The following KCNQ1OT1 variants were observed in gnomAD, a reference collection of about 807,000 sequenced individuals.
The protein encoded by KCNQ1OT1 is KCNQ1 opposite strand/antisense transcript 1, also known as KCNQ1 antisense RNA 2 (non-protein coding).
exon 1 of KCNQ1OT1, chr11:2,680,858 A>G (rs1225515408): frequency 2.5e-6 from 1 of 398,424 alleles, no homozygotes; most frequent in Non-Finnish European, 4.4e-6. Flanking sequence ...ACTCAGCACA[A>G]TTCCCTGAAG....
At chr11:2,660,519 G>A in exon 1 of KCNQ1OT1, 1 of 398,616 alleles carries the variant, frequency 2.5e-6, no homozygotes, top group Non-Finnish European at 4.4e-6. Context: ...GTTAATGTCT[G>A]TAATGTATAG....
chr11:2,643,581 G>A, exon 1 of KCNQ1OT1: 1 of 398,392 alleles, frequency 2.5e-6, no homozygotes, highest in Non-Finnish European at 4.4e-6. Context: ...GCATTTAGAT[G>A]GGTCATGTTT....
At position 2,653,724 on chromosome 11, in the gene KCNQ1OT1, G is replaced by A; in HGVS notation, n.46271C>T. ...CGAGGTCATCTCTTCCAGGATTCCT[G>A]CCAGAATCTAAGGCCAGGTTCTTAT... On this transcript the variant is annotated non_coding_transcript_exon_variant, in exon 1 of 1. Transcript: ENST00000597346. This position sits in a 1 kb window ranked among gnomAD's most constrained non-coding sequence, Gnocchi z 5.3. 2.5e-6 allele frequency: 1 copy of A among 398,654 alleles called. No individual in the cohort carries two copies. Among genetic ancestry groups the A allele is most frequent in the Non-Finnish European group, 4.4e-6 (1 of 226,072 alleles). The allele number at this position is 398,654 out of a possible 1,614,324, so 24.7% of individuals were successfully genotyped here. A position where few individuals can be genotyped will look rare whatever the true frequency, so the allele number is the denominator to read the frequency against.
Position 2,626,827 on chromosome 11 carries a change from C to T in KCNQ1OT1, n.73168G>A, listed in dbSNP as rs1849269783. 2 of 398,468 alleles carry T rather than the reference C, an allele frequency of 5.0e-6. No individual in the cohort carries two copies. The highest frequency in any genetic ancestry group is 1.3e-4 in the South Asian group (1 of 7,852). The allele number at this position is 398,468 out of a possible 1,614,324, so 24.7% of individuals were successfully genotyped here. On this transcript the variant is annotated non_coding_transcript_exon_variant, in exon 1 of 1. Coordinates refer to ENST00000597346, the Ensembl canonical transcript of KCNQ1OT1. This position sits in a 1 kb window ranked among gnomAD's most constrained non-coding sequence, Gnocchi z 4.0. Reference sequence around the variant, plus strand: ...ACAGGTGTAGGCCATTGTACCTGGCCTGTAGTAAGTTTTCAAATCAGAAAG... The same window carrying T: ...ACAGGTGTAGGCCATTGTACCTGGCTTGTAGTAAGTTTTCAAATCAGAAAG...
chr11:2,667,252 GGAA>G (rs1423470331), exon 1 of KCNQ1OT1: 21 of 398,558 alleles, frequency 5.3e-5, no homozygotes, highest in Non-Finnish European at 7.1e-5. Context: ...GAGCACGTGA[GGAA>G]GAAGCGGCTG....
Position 2,698,879 on chromosome 11 carries a change from A to T in KCNQ1OT1, n.1116T>A. 1 of 398,448 alleles carries T rather than the reference A, an allele frequency of 2.5e-6. No individual in the cohort carries two copies. The highest frequency in any genetic ancestry group is 4.4e-6 in the Non-Finnish European group (1 of 226,120). 24.7% of individuals were successfully genotyped at this position (398,448 alleles called of 1,614,324 possible). A position where few individuals can be genotyped will look rare whatever the true frequency, so the allele number is the denominator to read the frequency against. ...ACCCGGACTGACTGGGACCCCAACT[A>T]CTCAGATCCCAACTCAGGCAAACTC... On this transcript the variant is annotated non_coding_transcript_exon_variant, in exon 1 of 1. Transcript: ENST00000597346. The surrounding 1 kb of genome is among the most constrained non-coding windows in gnomAD (Gnocchi z 5.1).
At chr11:2,618,778 T>C (rs1469114694) in exon 1 of KCNQ1OT1, 3 of 398,460 alleles carry the variant, frequency 7.5e-6, no homozygotes, top group Non-Finnish European at 1.3e-5. Flanking sequence ...TTGGATATTA[T>C]TGACATTTTA....
exon 1 of KCNQ1OT1, chr11:2,681,607 C>T (rs1410636091): frequency 5.0e-6 from 2 of 398,172 alleles, no homozygotes; most frequent in Non-Finnish European, 8.8e-6. Context: ...CTCACTCGCT[C>T]TCCCCACCCC....
Position 2,613,987 on chromosome 11 carries a change from G to C in KCNQ1OT1, n.86008C>G. ...AGAAATCACTCAACATCCATTCACA[G>C]AGATCTTTCTCATTGCATTGCTAAA... On this transcript the variant is annotated non_coding_transcript_exon_variant, in exon 1 of 1. Coordinates refer to ENST00000597346, the Ensembl canonical transcript of KCNQ1OT1. The surrounding 1 kb of genome is among the most constrained non-coding windows in gnomAD (Gnocchi z 4.8). 1 of 398,554 alleles carries C rather than the reference G, an allele frequency of 2.5e-6. No homozygotes were observed. 24.7% of individuals were successfully genotyped at this position (398,554 alleles called of 1,614,324 possible).
At position 2,620,362 on chromosome 11, in the gene KCNQ1OT1, A is replaced by G. The variant is rs562715533; in HGVS notation, n.79633T>C. 4.9e-6 allele frequency: 1 copy of G among 204,042 alleles called. No homozygotes were observed. The highest frequency in any genetic ancestry group is 9.6e-6 in the Non-Finnish European group (1 of 103,880). The allele number at this position is 204,042 out of a possible 1,614,324, so 12.6% of individuals were successfully genotyped here. A position where few individuals can be genotyped will look rare whatever the true frequency, so the allele number is the denominator to read the frequency against. On this transcript the variant is annotated non_coding_transcript_exon_variant, in exon 1 of 1. Transcript: ENST00000597346. The surrounding 1 kb of genome is among the most constrained non-coding windows in gnomAD (Gnocchi z 4.5). ...CTCCTGAGTAGCTGGGATTAGAGGC[A>G]TGCGCCACCACGTCCAGCTAATTTT...
chr11:2,667,228 C>T (rs544855871), exon 1 of KCNQ1OT1: 10 of 398,714 alleles, frequency 2.5e-5, no homozygotes, highest in African/African-American at 2.1e-4. Flanking sequence ...TTCCAAACTT[C>T]ACTTCCTCCG....
exon 1 of KCNQ1OT1, chr11:2,648,697 G>T (rs964054376): frequency 5.0e-6 from 2 of 398,410 alleles, no homozygotes; most frequent in Non-Finnish European, 8.8e-6. Context: ...CTAACATATG[G>T]TATATCCTGG....
chr11:2,665,078 G>A (rs145355801), exon 1 of KCNQ1OT1: 6 of 398,468 alleles, frequency 1.5e-5, no homozygotes, highest in Admixed American at 4.4e-5. Context: ...GCTGAGGCAC[G>A]GGGTACCCAG....
At chr11:2,699,416 C>T (rs1850734787) in exon 1 of KCNQ1OT1, 2 of 398,498 alleles carry the variant, frequency 5.0e-6, no homozygotes, top group Non-Finnish European at 8.7e-6. Flanking sequence ...ATGGGGAGGG[C>T]CGCGCTGAGG....
exon 1 of KCNQ1OT1, chr11:2,625,890 C>A (rs1849254112): frequency 2.5e-6 from 1 of 398,542 alleles, no homozygotes; most frequent in Admixed American, 4.4e-5. Context: ...TTTTCAGGTG[C>A]ATTGTTTTTT....
At position 2,677,690 on chromosome 11, in the gene KCNQ1OT1, T is replaced by G; in HGVS notation, n.22305A>C. 1 of 398,626 alleles carries G rather than the reference T, an allele frequency of 2.5e-6. No homozygotes were observed. The highest frequency in any genetic ancestry group is 4.4e-6 in the Non-Finnish European group (1 of 226,052). The allele number at this position is 398,626 out of a possible 1,614,324, so 24.7% of individuals were successfully genotyped here. On this transcript the variant is annotated non_coding_transcript_exon_variant, in exon 1 of 1. Coordinates refer to ENST00000597346, the Ensembl canonical transcript of KCNQ1OT1. This position sits in a 1 kb window ranked among gnomAD's most constrained non-coding sequence, Gnocchi z 4.5. ...AAAATAATATTTTAACTACTGTTATTTTTCAAATTAACTTCCCAATCAAAT... is the reference window on the plus strand; with the variant it reads ...AAAATAATATTTTAACTACTGTTATGTTTCAAATTAACTTCCCAATCAAAT...
At chr11:2,644,614 C>T (rs1849638414) in exon 1 of KCNQ1OT1, 2 of 398,360 alleles carry the variant, frequency 5.0e-6, no homozygotes, top group Non-Finnish European at 4.4e-6. Flanking sequence ...TCATGTTTTG[C>T]CTTTTCATGT....
In KCNQ1OT1 at chr11:2,654,480, C is replaced by T. The variant is rs577864996; in HGVS notation, n.45515G>A. Reference sequence around the variant, plus strand: ...GCCAGGCACACATAAGCCCTGCAGCCGTACAGGGGAGGGGGCAATCTCCGG... The same window carrying T: ...GCCAGGCACACATAAGCCCTGCAGCTGTACAGGGGAGGGGGCAATCTCCGG... On this transcript the variant is annotated non_coding_transcript_exon_variant, in exon 1 of 1. Coordinates refer to ENST00000597346, the Ensembl canonical transcript of KCNQ1OT1. The surrounding 1 kb of genome is among the most constrained non-coding windows in gnomAD (Gnocchi z 6.4). 20 of 398,356 alleles carry T rather than the reference C, an allele frequency of 5.0e-5. No individual in the cohort carries two copies. The highest frequency in any genetic ancestry group is 8.8e-5 in the Admixed American group (2 of 22,712). The allele number at this position is 398,356 out of a possible 1,614,324, so 24.7% of individuals were successfully genotyped here.
rs993905604 is a variant in KCNQ1OT1 at position 2,654,641 on chromosome 11, G to C, written n.45354C>G. 2.5e-6 allele frequency: 1 copy of C among 398,724 alleles called. No homozygotes were observed. Among genetic ancestry groups the C allele is most frequent in the Admixed American group, 4.4e-5 (1 of 22,720 alleles). 24.7% of individuals were successfully genotyped at this position (398,724 alleles called of 1,614,324 possible). ...AGGAAGGGCCCAGACACTGGCGAGA[G>C]TCTCTTGAGGGCAGAGGGCAGCAGA... is the stretch of plus-strand genomic sequence containing the variant. On this transcript the variant is annotated non_coding_transcript_exon_variant, in exon 1 of 1. Coordinates refer to ENST00000597346, the Ensembl canonical transcript of KCNQ1OT1. The surrounding 1 kb of genome is among the most constrained non-coding windows in gnomAD (Gnocchi z 6.4).
Sources: gnomAD v4.1 joint callset for allele counts on GRCh38, gnomAD v4.1.1 for gene constraint, Gnocchi (gnomAD v3.1) non-coding constraint, MANE v1.5 for transcripts, NCBI Gene and HGNC (gene_info 2026-07-23, HGNC 2026-07-21) for gene names.